The following GNL2 variants were observed in gnomAD, a reference collection of about 807,000 sequenced individuals.
GNL2 encodes the protein nucleolar GTP-binding protein 2.
A neutral mutation model predicts 92.3 loss-of-function variants in GNL2; 51 were observed. That is an observed-to-expected ratio of 0.55 (90% CI 0.44 to 0.70). The LOEUF (loss-of-function observed/expected upper bound fraction) is 0.70. Among genes scored for constraint, GNL2 ranks in the 30% least tolerant of loss-of-function variants. The probability of loss-of-function intolerance (pLI) is 0.00; values close to 1 mark genes in which losing one functional copy is unlikely to be tolerated. For synonymous variants in GNL2, 283 were observed against 300.6 expected, an observed-to-expected ratio of 0.94 and a Z score of 0.61; for missense variants, 844 against 895.6, an observed-to-expected ratio of 0.94 and a Z score of 0.74.
chr1:37,587,342 G>T lies in GNL2; in HGVS notation c.538C>A (p.Arg180Ser). ...CCAGTGTCTTCAGTTACCAAATCAC[G>T]ATCCTTGCCCTGGTCATAGCTCTCA... ...STESYDQGKDRDLVTEDTGVR... is the reference protein window; with the variant it reads ...STESYDQGKDSDLVTEDTGVR... The change falls in exon 5 of 16, where the codon CGT becomes AGT. Residue 180 changes from arginine (R) to serine (S), a missense_variant. Physicochemically the swap from Arg to Ser is moderately radical, Grantham distance 110. Transcript: ENST00000373062. The T allele has an allele frequency of 6.2e-7, 1 of 1,602,820 alleles. No individual in the cohort carries two copies. The highest frequency in any genetic ancestry group is 8.5e-7 in the Non-Finnish European group (1 of 1,174,514).
chr1:37,574,933 C>T (rs2148131626), intron 10 of GNL2, 110 bp from the exon 11 acceptor site: 3 of 756,270 alleles, frequency 4.0e-6, no homozygotes, highest in South Asian at 1.7e-5. Context: ...TCACAAAGCT[C>T]GTGGAGATTG....
At chr1:37,583,167 T>A (rs1231976953) in intron 6 of GNL2, 25 of 318,880 alleles carry the variant, frequency 7.8e-5, no homozygotes, top group Non-Finnish European at 1.1e-4. Flanking sequence ...CTAGCTTAGA[T>A]GAAACTCAAC....
chr1:37,583,008 G>A, intron 6 of GNL2, 72 bp from the exon 7 acceptor site: 1 of 1,008,108 alleles, frequency 9.9e-7, no homozygotes, highest in East Asian at 2.6e-5. Flanking sequence ...AAGGGAGTCT[G>A]GGAAAAATAA....
chr1:37,592,678 T>C (rs1176496279), intron 3 of GNL2, 34 bp downstream of exon 3: 1 of 1,192,752 alleles, frequency 8.4e-7, no homozygotes, highest in South Asian at 1.2e-5. Flanking sequence ...CAGCATATAT[T>C]TTGTAGAGCA....
chr1:37,594,199 C>T (rs1007511660), intron 1 of GNL2: 14 of 173,828 alleles, frequency 8.1e-5, no homozygotes, highest in Non-Finnish European at 1.6e-4. Flanking sequence ...GAAACTGAGG[C>T]ACAGTGGTCA....
intron 12 of GNL2, chr1:37,569,693 T>C (rs890143940): frequency 6.0e-6 from 1 of 166,976 alleles, no homozygotes; most frequent in African/African-American, 2.4e-5. Context: ...ATGAGAACAG[T>C]ACTAAGAGAG....
chr1:37,567,868 G>T, intron 14 of GNL2, 104 bp from the exon 15 acceptor site: 1 of 841,072 alleles, frequency 1.2e-6, no homozygotes, highest in Non-Finnish European at 2.0e-6. Flanking sequence ...CACCCAATGT[G>T]GACAGAGCAG....
intron 1 of GNL2, 88 bp from the exon 2 acceptor site, chr1:37,593,934 A>C (rs939921658): frequency 2.1e-6 from 2 of 934,354 alleles, no homozygotes; most frequent in African/African-American, 3.3e-5. Context: ...CAAGTAGTTC[A>C]CCCAAATTAG....
chr1:37,584,668 G>A lies in GNL2; in HGVS notation c.570-735C>T, dbSNP rs750997090. ...GGCTGGGGGAGAGGGGAAACGGACC[G>A]TTAGTGTTAAATGGGTACAGGGTTT... On this transcript the variant is annotated intron_variant, in intron 5 of 15. Transcript: ENST00000373062. Among the ~76,000 whole-genome samples, 4 of 152,210 alleles carry A rather than the reference G, an allele frequency of 2.6e-5. No homozygotes were observed. The South Asian group carries it at 6.2e-4, about 24-fold the overall frequency.
chr1:37,591,654 C>T (rs1191757574), intron 3 of GNL2, among the ~76,000 whole-genome samples: 1 of 151,954 alleles, frequency 6.6e-6, no homozygotes, highest in Non-Finnish European at 1.5e-5. Flanking sequence ...TACAGGTGCC[C>T]ACCACAACAC....
At chr1:37,588,433 C>T (rs929652587) in intron 4 of GNL2, among the ~76,000 whole-genome samples, 20 of 152,190 alleles carry the variant, frequency 1.3e-4, no homozygotes, top group African/African-American at 4.8e-4. Context: ...TTATCATTTT[C>T]TCAGATGCCC....
At position 37,575,201 on chromosome 1, in the gene GNL2, C is replaced by T. The variant is rs1455065133; in HGVS notation, c.1144-378G>A. 6.6e-6 allele frequency among the ~76,000 whole-genome samples: 1 copy of T among 152,200 alleles called. No individual in the cohort carries two copies. Among genetic ancestry groups the T allele is most frequent in the African/African-American group, 2.4e-5 (1 of 41,462 alleles). Reference sequence around the variant, plus strand: ...GAGGAATGTGTACAGGATGTATAGCCAGAAGCATGGTCAAGGTTAAGTGGA... The same window carrying T: ...GAGGAATGTGTACAGGATGTATAGCTAGAAGCATGGTCAAGGTTAAGTGGA... On this transcript the variant is annotated intron_variant, in intron 10 of 15. Transcript: ENST00000373062. This position sits in a 1 kb window ranked among gnomAD's most constrained non-coding sequence, Gnocchi z 4.1.
chr1:37,573,703 C>T (rs1570052280), intron 12 of GNL2, among the ~76,000 whole-genome samples: 1 of 152,226 alleles, frequency 6.6e-6, no homozygotes, highest in African/African-American at 2.4e-5. Context: ...AGATCACTTA[C>T]ATTTAATGAG....
chr1:37,589,535 T>C (rs1255998223), intron 4 of GNL2, among the ~76,000 whole-genome samples: 1 of 152,192 alleles, frequency 6.6e-6, no homozygotes, highest in Non-Finnish European at 1.5e-5. Context: ...CTCAATCTCC[T>C]GACCTTGTGA....
rs1026885957 is a variant in GNL2 at position 37,575,528 on chromosome 1, G to T, written c.1143+67C>A. The stretch of plus-strand genomic sequence containing the variant: ...CCTTCTTAATAAGTAAAAAGGAAAG[G>T]TATCCAGGGTTCCCTATAGAACACT... On this transcript the variant is annotated intron_variant, in intron 10 of 15. Transcript: ENST00000373062. The surrounding 1 kb of genome is among the most constrained non-coding windows in gnomAD (Gnocchi z 4.1). 8 of 871,698 alleles carry T rather than the reference G, an allele frequency of 9.2e-6. No homozygotes were observed. Among genetic ancestry groups the T allele is most frequent in the Non-Finnish European group, 1.4e-5 (8 of 574,768 alleles). 54.0% of individuals were successfully genotyped at this position (871,698 alleles called of 1,614,324 possible). A position where few individuals can be genotyped will look rare whatever the true frequency, so the allele number is the denominator to read the frequency against.
intron 12 of GNL2, among the ~76,000 whole-genome samples, chr1:37,573,078 T>C (rs1463517093): frequency 6.6e-6 from 1 of 152,168 alleles, no homozygotes; most frequent in African/African-American, 2.4e-5. Flanking sequence ...AGACACTCAA[T>C]ATGGGATTGC....
chr1:37,582,714 G>A lies in GNL2; in HGVS notation c.795+64C>T, dbSNP rs755707774. 2.3e-5 allele frequency: 30 copies of A among 1,285,440 alleles called. No homozygotes were observed. The Admixed American group carries it at 4.6e-4, about 20-fold the overall frequency. 79.6% of individuals were successfully genotyped at this position (1,285,440 alleles called of 1,614,324 possible). Reference sequence around the variant, plus strand: ...AGCCGGACAACACTTTAGCCTAAAAGCCCTACAACTGACTTACTAACAGAT... The same window carrying A: ...AGCCGGACAACACTTTAGCCTAAAAACCCTACAACTGACTTACTAACAGAT... On this transcript the variant is annotated intron_variant, in intron 7 of 15. Coordinates refer to ENST00000373062, the MANE Select transcript of GNL2 (RefSeq NM_013285.3).
chr1:37,574,847 CACTT>C (rs1169126159), intron 10 of GNL2, 24 bp from the exon 11 acceptor site: 2 of 1,572,374 alleles, frequency 1.3e-6, no homozygotes, highest in Non-Finnish European at 1.7e-6. Flanking sequence ...GGAAATCTCT[CACTT>C]ACAAACTTTG....
At chr1:37,579,036 G>A (rs965270075) in intron 8 of GNL2, among the ~76,000 whole-genome samples, 5 of 152,072 alleles carry the variant, frequency 3.3e-5, no homozygotes, top group African/African-American at 9.7e-5. Context: ...ATTTTTAAGC[G>A]TGACTGTAGC....
Sources: allele counts gnomAD v4.1 joint callset (sites outside exome capture counted in the v4.1 genomes callset), GRCh38; gene constraint gnomAD v4.1.1; non-coding constraint Gnocchi (gnomAD v3.1); transcripts MANE v1.5; gene names NCBI Gene and HGNC (gene_info 2026-07-23, HGNC 2026-07-21).